The following BMPER variants were observed in gnomAD, a reference collection of about 807,000 sequenced individuals.
BMPER encodes BMP binding endothelial regulator.
Under a neutral mutation model 87.3 loss-of-function variants are expected in BMPER, and 45 were observed. The observed-to-expected ratio is 0.52, with a 90% confidence interval of 0.41 to 0.66. BMPER has a LOEUF of 0.66. Ranked by LOEUF, BMPER falls within the 30% of genes least tolerant of loss-of-function variation. The pLI is 0.00. For missense variants in BMPER, 784 were observed against 867.5 expected (o/e 0.90, Z 1.21); for synonymous variants, 326 against 316.2 (o/e 1.03, Z -0.33).
intron 13 of BMPER, among the ~76,000 whole-genome samples, chr7:34,094,368 A>T (rs906235106): frequency 6.6e-6 from 1 of 152,138 alleles, no homozygotes. Context: ...GGGTAGTGTG[A>T]TGGGGTGGGC....
intron 2 of BMPER, among the ~76,000 whole-genome samples, chr7:33,917,899 G>A (rs1012521545): frequency 6.6e-6 from 1 of 152,168 alleles, no homozygotes; most frequent in African/African-American, 2.4e-5. Flanking sequence ...CCTCAGAAAG[G>A]CTATTTTTAG....
Position 34,056,866 on chromosome 7 carries a change from G to A in BMPER, c.928-1193G>A, listed in dbSNP as rs563553873. Among the ~76,000 whole-genome samples the A allele has an allele frequency of 8.5e-5, 13 of 152,160 alleles. No homozygotes were observed. In the South Asian group the frequency reaches 1.0e-3, roughly 12 times the overall value. ...CTCCCGACCTTGTCGTCCACCCTCC[G>A]TGGCCTCCCAAAGTGCTGGGATTAC... On this transcript the variant is annotated intron_variant, in intron 9 of 14. Transcript: ENST00000649409.
intron 7 of BMPER, among the ~76,000 whole-genome samples, chr7:34,050,228 G>T (rs1302619163): frequency 6.6e-6 from 1 of 152,150 alleles, no homozygotes; most frequent in Admixed American, 6.5e-5. Context: ...AGAGTTTTTG[G>T]TTGTATGCTT....
chr7:33,954,087 C>A (rs1198510210), intron 3 of BMPER, among the ~76,000 whole-genome samples: 1 of 152,162 alleles, frequency 6.6e-6, no homozygotes, highest in Middle Eastern at 3.2e-3. Flanking sequence ...CATCTATATT[C>A]TGAATTAGCC....
chr7:33,962,577 C>G (rs1391855514), intron 3 of BMPER, among the ~76,000 whole-genome samples: 1 of 152,166 alleles, frequency 6.6e-6, no homozygotes, highest in Non-Finnish European at 1.5e-5. Context: ...CCCAAGATGT[C>G]TCCTAATGTT....
At chr7:33,978,660 C>G (rs1197815833) in intron 6 of BMPER, among the ~76,000 whole-genome samples, 1 of 152,170 alleles carries the variant, frequency 6.6e-6, no homozygotes, top group East Asian at 1.9e-4. Context: ...ACGGATACTT[C>G]TCAACTTACG....
At chr7:33,932,258 A>G (rs1784500254) in intron 2 of BMPER, among the ~76,000 whole-genome samples, 1 of 152,212 alleles carries the variant, frequency 6.6e-6, no homozygotes, top group African/African-American at 2.4e-5. Flanking sequence ...TCCCCAACAA[A>G]GACTACCGGG....
intron 6 of BMPER, among the ~76,000 whole-genome samples, chr7:33,994,225 G>A (rs1196259352): frequency 6.6e-6 from 1 of 152,240 alleles, no homozygotes; most frequent in Non-Finnish European, 1.5e-5. Context: ...CAGCCTCGCT[G>A]CCGCCTTGCA....
At chr7:33,942,670 G>A (rs1449837506) in intron 3 of BMPER, among the ~76,000 whole-genome samples, 2 of 152,184 alleles carry the variant, frequency 1.3e-5, no homozygotes, top group Non-Finnish European at 2.9e-5. Flanking sequence ...TTTAGAGGCT[G>A]ATAGTCATTA....
chr7:33,919,945 A>ATCTATCTATCTG (rs1400092425), intron 2 of BMPER, among the ~76,000 whole-genome samples: 1 of 152,042 alleles, frequency 6.6e-6, no homozygotes. Context: ...CTATCTATCT[A>ATCTATCTATCTG]TCTATCTATA....
intron 13 of BMPER, among the ~76,000 whole-genome samples, chr7:34,113,811 G>C (rs981273951): frequency 6.6e-6 from 1 of 152,092 alleles, no homozygotes; most frequent in Non-Finnish European, 1.5e-5. Flanking sequence ...ATTGTTTGGT[G>C]AGGGGTGTAA....
At chr7:34,116,233 G>C (rs1386102200) in intron 13 of BMPER, among the ~76,000 whole-genome samples, 1 of 152,222 alleles carries the variant, frequency 6.6e-6, no homozygotes, top group Non-Finnish European at 1.5e-5. Flanking sequence ...CCATTACCTA[G>C]TAATAGGCAA....
In BMPER at chr7:34,153,211, C is replaced by A. The variant is rs752612012; in HGVS notation, c.1996C>A (p.Pro666Thr). 6.2e-7 allele frequency: 1 copy of A among 1,613,956 alleles called. No homozygotes were observed. Among genetic ancestry groups the A allele is most frequent in the East Asian group, 2.2e-5 (1 of 44,882 alleles). ...GCCGTGCGTTGCTGGGTGCCACTGT[C>A]CAGCAAACTTGGTCCTTCACAAGGG... Reference protein sequence around the residue: ...NKPCVAGCHCPANLVLHKGRC... With the variant: ...NKPCVAGCHCTANLVLHKGRC... The change falls in exon 15 of 15, where the codon CCA becomes ACA. Residue 666 changes from proline to threonine, a missense_variant. Transcript: ENST00000649409.
In BMPER at chr7:34,154,260, G is replaced by C. The variant is rs1791258183; in HGVS notation, c.*987G>C. On this transcript the variant is annotated 3_prime_UTR_variant, in exon 15 of 15. Transcript: ENST00000649409. Reference sequence around the variant, plus strand: ...AACACTATTTGGCGACTGTTAATATGTTATAATTATTAGACAGTGGAAAAG... The same window carrying C: ...AACACTATTTGGCGACTGTTAATATCTTATAATTATTAGACAGTGGAAAAG... 6.6e-6 allele frequency: 1 copy of C among 152,346 alleles called. No individual in the cohort carries two copies. Among genetic ancestry groups the C allele is most frequent in the Non-Finnish European group, 1.5e-5 (1 of 68,028 alleles). The allele number at this position is 152,346 out of a possible 1,614,324, so 9.4% of individuals were successfully genotyped here. A position where few individuals can be genotyped will look rare whatever the true frequency, so the allele number is the denominator to read the frequency against.
At chr7:34,010,227 T>C (rs1562687400) in intron 6 of BMPER, among the ~76,000 whole-genome samples, 1 of 151,880 alleles carries the variant, frequency 6.6e-6, no homozygotes, top group Non-Finnish European at 1.5e-5. Flanking sequence ...TATGAAGTCT[T>C]TTCTGGTCAC....
chr7:33,928,027 T>C (rs1050802449), intron 2 of BMPER, among the ~76,000 whole-genome samples: 1 of 152,182 alleles, frequency 6.6e-6, no homozygotes, highest in Non-Finnish European at 1.5e-5. Context: ...TGAAGCTGCA[T>C]TGCTTTGCAG....
intron 13 of BMPER, among the ~76,000 whole-genome samples, chr7:34,132,623 C>T (rs989041600): frequency 1.2e-4 from 18 of 152,114 alleles, no homozygotes; most frequent in Non-Finnish European, 2.6e-4. Context: ...GATGAGCTCA[C>T]CAAAAAGGAG....
intron 13 of BMPER, among the ~76,000 whole-genome samples, chr7:34,096,728 G>A (rs1789541603): frequency 6.6e-6 from 1 of 152,150 alleles, no homozygotes; most frequent in African/African-American, 2.4e-5. Flanking sequence ...GGGGTTGGCA[G>A]TTTTATTAAG....
At chr7:33,959,897 C>T (rs4723344) in intron 3 of BMPER, among the ~76,000 whole-genome samples, 126,024 of 152,140 alleles carry the variant, frequency 0.83, 52,255 homozygotes, top group East Asian at 0.87. Flanking sequence ...CATGTGGAAG[C>T]TTTTTTTTCT....
Sources: allele counts gnomAD v4.1 joint callset (sites outside exome capture counted in the v4.1 genomes callset), GRCh38; gene constraint gnomAD v4.1.1; transcripts MANE v1.5; gene names NCBI Gene and HGNC (gene_info 2026-07-23, HGNC 2026-07-21).